The following ADAMTSL1 variants were observed in gnomAD, a reference collection of about 807,000 sequenced individuals.
ADAMTSL1 encodes ADAMTS like 1.
Under a neutral mutation model 201.8 loss-of-function variants are expected in ADAMTSL1, and 126 were observed. The ratio of observed to expected loss-of-function variants is 0.62; its 90% CI spans 0.54 to 0.72. The LOEUF is 0.72. ADAMTSL1 is among the 30% of genes least tolerant of loss of function. The probability of loss-of-function intolerance (pLI) is 0.00; values close to 1 mark genes in which losing one functional copy is unlikely to be tolerated. For missense variants in ADAMTSL1, 2,679 were observed against 2,277.8 expected (o/e 1.18, Z -3.59); for synonymous variants, 1,121 against 903.4 (o/e 1.24, Z -4.32).
At chr9:18,059,855 T>G in intron 1 of ADAMTSL1, among the ~76,000 whole-genome samples, 1 of 152,214 alleles carries the variant, frequency 6.6e-6, no homozygotes, top group East Asian at 1.9e-4. Context: ...TAAATCTTAT[T>G]TAGATACCAT....
chr9:18,321,326 G>T (rs2132854127), intron 2 of ADAMTSL1, among the ~76,000 whole-genome samples: 1 of 152,274 alleles, frequency 6.6e-6, no homozygotes, highest in East Asian at 1.9e-4. Context: ...ACATATTAAA[G>T]GGAGAAAAAG....
intron 1 of ADAMTSL1, among the ~76,000 whole-genome samples, chr9:18,138,084 C>T (rs566867958): frequency 8.5e-5 from 13 of 152,142 alleles, no homozygotes; most frequent in African/African-American, 2.4e-4. Flanking sequence ...ACTTGCTGGC[C>T]GCATGTTCTT....
intron 1 of ADAMTSL1, among the ~76,000 whole-genome samples, chr9:18,084,641 G>A (rs977827768): frequency 4.0e-5 from 6 of 151,860 alleles, no homozygotes; most frequent in South Asian, 2.1e-4. Context: ...CAGTTACACC[G>A]TACAGCTCAA....
At chr9:18,844,758 C>A (rs1050325947) in intron 23 of ADAMTSL1, among the ~76,000 whole-genome samples, 2 of 152,234 alleles carry the variant, frequency 1.3e-5, no homozygotes, top group East Asian at 3.9e-4. Flanking sequence ...GCCCCTCCCC[C>A]AGCCTTGCTG....
At chr9:18,403,090 A>G (rs1818047344) in intron 2 of ADAMTSL1, among the ~76,000 whole-genome samples, 1 of 152,150 alleles carries the variant, frequency 6.6e-6, no homozygotes, top group Non-Finnish European at 1.5e-5. Flanking sequence ...ATGGATTGCA[A>G]TGATAATTAT....
At chr9:18,527,594 G>A (rs1056380399) in intron 2 of ADAMTSL1, among the ~76,000 whole-genome samples, 6 of 152,102 alleles carry the variant, frequency 3.9e-5, no homozygotes, top group Non-Finnish European at 7.3e-5. Flanking sequence ...CTCTTCTCAG[G>A]TTGTTAAATG....
intron 12 of ADAMTSL1, among the ~76,000 whole-genome samples, chr9:18,683,812 C>G (rs1236250800): frequency 6.6e-6 from 1 of 152,208 alleles, no homozygotes; most frequent in African/African-American, 2.4e-5. Context: ...TGGATTTTCA[C>G]AACCAAGGAG....
At chr9:18,184,950 T>G (rs1005255350) in intron 2 of ADAMTSL1, among the ~76,000 whole-genome samples, 1 of 152,190 alleles carries the variant, frequency 6.6e-6, no homozygotes, top group Non-Finnish European at 1.5e-5. Context: ...TTGCATTTCA[T>G]ACTAAGCAGG....
chr9:17,910,783 G>A (rs114387420), intron 1 of ADAMTSL1, among the ~76,000 whole-genome samples: 1,265 of 68,846 alleles, frequency 0.018, 311 homozygotes, highest in African/African-American at 0.035. Flanking sequence ...AATCATATAG[G>A]CATTATATTT....
intron 7 of ADAMTSL1, among the ~76,000 whole-genome samples, chr9:18,653,165 A>C (rs752045023): frequency 3.3e-4 from 50 of 152,184 alleles, no homozygotes; most frequent in Non-Finnish European, 6.3e-4. Flanking sequence ...TAGGTTTAGG[A>C]TGCAGAGACA....
intron 2 of ADAMTSL1, among the ~76,000 whole-genome samples, chr9:18,326,433 A>T (rs1290976308): frequency 2.5e-5 from 1 of 40,712 alleles, no homozygotes; most frequent in African/African-American, 7.9e-5. Context: ...TTTTTTACCT[A>T]AAAAAAAAAA....
intron 15 of ADAMTSL1, among the ~76,000 whole-genome samples, chr9:18,740,480 T>C (rs1399728402): frequency 1.2e-4 from 17 of 138,342 alleles, no homozygotes; most frequent in African/African-American, 4.5e-4. Context: ...TCTTTTATCT[T>C]TTTTTTTTTT....
In ADAMTSL1 at chr9:18,413,411, C is replaced by T. The variant is rs112363756; in HGVS notation, c.208-91418C>T. Among the ~76,000 whole-genome samples, 343 of 152,184 alleles carry T rather than the reference C, an allele frequency of 2.3e-3. 1 individual carries two copies. The highest frequency in any genetic ancestry group is 8.0e-3 in the African/African-American group (331 of 41,542). On this transcript the variant is annotated intron_variant, in intron 2 of 29. Coordinates refer to the ADAMTSL1 transcript ENST00000680146. ...AACTCCTGACCTCAGGTGATCCACC[C>T]GCCTCAGCCTCCCAAACTGGTGGGA...
At chr9:18,511,572 C>T (rs1276531418) in intron 2 of ADAMTSL1, among the ~76,000 whole-genome samples, 1 of 151,914 alleles carries the variant, frequency 6.6e-6, no homozygotes, top group African/African-American at 2.4e-5. Context: ...AGAATGGTGT[C>T]AACATAAATA....
intron 1 of ADAMTSL1, among the ~76,000 whole-genome samples, chr9:18,482,555 C>T (rs1432481793): frequency 6.6e-6 from 1 of 152,160 alleles, no homozygotes; most frequent in Non-Finnish European, 1.5e-5. Context: ...GACATCCTGA[C>T]ATAAATTCCA....
Position 18,830,353 on chromosome 9 carries a change from A to C in ADAMTSL1, c.4249+376A>C, listed in dbSNP as rs963483270. On this transcript the variant is annotated intron_variant, in intron 23 of 28. Transcript: ENST00000380548. ...AACCATTCCCCAGTACTCCTCCATG[A>C]TCCCCTGCCACCTAAACTAGAGCAA... Among the ~76,000 whole-genome samples, 86 of 152,270 alleles carry C rather than the reference A, an allele frequency of 5.6e-4. 1 individual carries two copies. The highest frequency in any genetic ancestry group is 6.8e-3 in the Middle Eastern group (2 of 294).
chr9:18,538,650 C>A (rs550889667), intron 3 of ADAMTSL1, among the ~76,000 whole-genome samples: 1 of 152,298 alleles, frequency 6.6e-6, no homozygotes, highest in Non-Finnish European at 1.5e-5. Flanking sequence ...AAGTTCTCAT[C>A]CTTGCTGTAC....
At chr9:18,902,680 A>G (rs1363326936) in intron 26 of ADAMTSL1, among the ~76,000 whole-genome samples, 1 of 152,188 alleles carries the variant, frequency 6.6e-6, no homozygotes, top group African/African-American at 2.4e-5. Context: ...ACTTAACTTC[A>G]CACCTTAAAA....
intron 2 of ADAMTSL1, among the ~76,000 whole-genome samples, chr9:18,524,339 G>C (rs1044197479): frequency 3.3e-5 from 5 of 152,116 alleles, no homozygotes; most frequent in Admixed American, 3.3e-4. Flanking sequence ...GGAGATTTTG[G>C]GCTGAGACAG....
Sources: gnomAD v4.1 joint callset for allele counts (sites outside exome capture counted in the v4.1 genomes callset) on GRCh38, gnomAD v4.1.1 for gene constraint, MANE v1.5 for transcripts, NCBI Gene and HGNC (gene_info 2026-07-23, HGNC 2026-07-21) for gene names.